MDGA2: variants seen among roughly 807,000 people sequenced by gnomAD.
MDGA2 encodes the protein MAM domain containing glycosylphosphatidylinositol anchor 2.
In MDGA2, 40 loss-of-function variants were observed where a neutral mutation model predicts 117.8. The observed-to-expected ratio is 0.34, with a 90% CI of 0.26 to 0.44. MDGA2 has a LOEUF of 0.44. MDGA2 is among the 20% of genes least tolerant of loss of function. The pLI is 1.00. For missense variants in MDGA2, 1,123 were observed against 1,250.6 expected, an observed-to-expected ratio of 0.90 and a Z score of 1.54; for synonymous variants, 452 against 439.0, an observed-to-expected ratio of 1.03 and a Z score of -0.37.
In MDGA2 at chr14:46,882,165, C is replaced by T. The variant is rs1465852076; in HGVS notation, c.2295G>A (p.Lys765=). 1 of 1,612,454 alleles carries T rather than the reference C, an allele frequency of 6.2e-7. No individual in the cohort carries two copies. Among genetic ancestry groups the T allele is most frequent in the Admixed American group, 1.7e-5 (1 of 59,920 alleles). The change falls in exon 11 of 17, where the codon AAG becomes AAA. Residue 765 remains lysine (K), a synonymous_variant. Coordinates refer to ENST00000399232, the MANE Select transcript of MDGA2 (RefSeq NM_001113498.3). ...QEIKINGNIQ[K]GELITYNLTE... is the part of the protein sequence containing the mutation. ...TCAAGTTATATGTAATTAATTCTCCCTTTTGAATATTCCCATTTATTTTAA... is the reference window on the plus strand; with the variant it reads ...TCAAGTTATATGTAATTAATTCTCCTTTTTGAATATTCCCATTTATTTTAA...
At chr14:47,571,814 G>A (rs1435060808) in intron 1 of MDGA2, among the ~76,000 whole-genome samples, 2 of 152,042 alleles carry the variant, frequency 1.3e-5, no homozygotes, top group Admixed American at 6.6e-5. Flanking sequence ...GTAGATGACG[G>A]GTTGATGGGT....
intron 3 of MDGA2, chr14:47,201,236 A>G (rs1168325564): frequency 2.0e-6 from 1 of 496,400 alleles, no homozygotes; most frequent in Non-Finnish European, 3.7e-6. Flanking sequence ...GATTCCTGCT[A>G]CCAAATGCTG....
At position 46,904,820 on chromosome 14, in the gene MDGA2, G is replaced by T. The variant is rs148785975; in HGVS notation, c.2238+15192C>A. ...ACTCGACTAGAAACCCCAAACTCAG[G>T]TGATTTCTCTATTGATATATCCAAC... On this transcript the variant is annotated intron_variant, in intron 10 of 16. Coordinates refer to ENST00000399232, the MANE Select transcript of MDGA2 (RefSeq NM_001113498.3). 2.5e-3 allele frequency among the ~76,000 whole-genome samples: 378 copies of T among 152,188 alleles called. 5 individuals carry two copies. Among genetic ancestry groups the T allele is most frequent in the African/African-American group, 8.9e-3 (371 of 41,522 alleles).
intron 1 of MDGA2, among the ~76,000 whole-genome samples, chr14:47,598,256 A>G (rs1474738678): frequency 2.0e-5 from 3 of 152,210 alleles, no homozygotes; most frequent in Admixed American, 2.0e-4. Flanking sequence ...GCTGTGGAAA[A>G]CAGTCTGGTG....
chr14:47,340,553 G>A (rs1365539657), intron 1 of MDGA2, among the ~76,000 whole-genome samples: 1 of 152,042 alleles, frequency 6.6e-6, no homozygotes, highest in Non-Finnish European at 1.5e-5. Context: ...TCTGATACTG[G>A]TGGCACTGTC....
intron 1 of MDGA2, among the ~76,000 whole-genome samples, chr14:47,671,181 A>G (rs952219440): frequency 6.6e-5 from 10 of 152,198 alleles, no homozygotes; most frequent in Admixed American, 2.0e-4. Context: ...CAACTGTGAC[A>G]CCATATATAA....
At chr14:47,659,184 C>T (rs1897800065) in intron 1 of MDGA2, among the ~76,000 whole-genome samples, 1 of 152,220 alleles carries the variant, frequency 6.6e-6, no homozygotes, top group Non-Finnish European at 1.5e-5. Context: ...ACCAAACTAA[C>T]ACATCTGCTC....
At chr14:47,589,434 G>T (rs1439100819) in intron 1 of MDGA2, among the ~76,000 whole-genome samples, 10 of 151,948 alleles carry the variant, frequency 6.6e-5, no homozygotes, top group Non-Finnish European at 2.9e-5. Context: ...TATTAGTTCA[G>T]AAGACTGCTT....
At chr14:47,343,264 T>C (rs945919527) in intron 1 of MDGA2, 3 of 1,141,164 alleles carry the variant, frequency 2.6e-6, no homozygotes, top group East Asian at 6.8e-5. Flanking sequence ...CCGGGCATTG[T>C]ATTACATCAG....
chr14:47,274,087 C>T (rs1463202249), intron 2 of MDGA2, among the ~76,000 whole-genome samples: 3 of 152,106 alleles, frequency 2.0e-5, no homozygotes, highest in Non-Finnish European at 4.4e-5. Flanking sequence ...TACCATCCAA[C>T]CTACCCATTT....
intron 1 of MDGA2, among the ~76,000 whole-genome samples, chr14:47,666,646 T>A (rs75477866): frequency 6.6e-6 from 1 of 152,128 alleles, no homozygotes; most frequent in Non-Finnish European, 1.5e-5. Flanking sequence ...ATCAGCAGGA[T>A]GTGGGTGGGG....
intron 10 of MDGA2, among the ~76,000 whole-genome samples, chr14:46,919,198 C>A (rs949640732): frequency 6.6e-6 from 1 of 152,132 alleles, no homozygotes; most frequent in African/African-American, 2.4e-5. Context: ...TCTCTACCAT[C>A]CCAATTCAAA....
intron 6 of MDGA2, among the ~76,000 whole-genome samples, chr14:47,062,553 C>A (rs1382256074): frequency 6.6e-6 from 1 of 150,614 alleles, no homozygotes; most frequent in East Asian, 1.9e-4. Flanking sequence ...AAATGACTAT[C>A]CCTACATGAC....
At chr14:47,220,081 G>A (rs1052556510) in intron 2 of MDGA2, among the ~76,000 whole-genome samples, 30 of 152,016 alleles carry the variant, frequency 2.0e-4, no homozygotes, top group Admixed American at 6.6e-5. Context: ...GAAGTAGAAA[G>A]AAATGCAAAT....
rs112313671 is a variant in MDGA2 at position 47,282,927 on chromosome 14, G to A, written c.420+18484C>T. On this transcript the variant is annotated intron_variant, in intron 2 of 16. Coordinates refer to ENST00000399232, the MANE Select transcript of MDGA2 (RefSeq NM_001113498.3). ...CATGCCACCGCACTCCAGCCTGAGCGACAGAGAAAAGATCCTGTCTTTAAT... is the reference window on the plus strand; with the variant it reads ...CATGCCACCGCACTCCAGCCTGAGCAACAGAGAAAAGATCCTGTCTTTAAT... 7.3e-3 allele frequency among the ~76,000 whole-genome samples: 1,109 copies of A among 152,120 alleles called. 7 individuals carry two copies. The highest frequency in any genetic ancestry group is 8.9e-3 in the Admixed American group (136 of 15,272).
chr14:47,151,119 G>A (rs1883147007), intron 3 of MDGA2, among the ~76,000 whole-genome samples: 1 of 152,068 alleles, frequency 6.6e-6, no homozygotes, highest in Admixed American at 6.6e-5. Context: ...GAAGTTTGTT[G>A]GAGAGTGCCC....
intron 8 of MDGA2, among the ~76,000 whole-genome samples, chr14:46,983,299 A>G (rs1485493601): frequency 2.6e-5 from 4 of 152,106 alleles, no homozygotes; most frequent in Admixed American, 6.6e-5. Flanking sequence ...TCTCTCTAAT[A>G]TTCTCATTAA....
At chr14:47,473,034 G>C (rs560582968) in intron 1 of MDGA2, among the ~76,000 whole-genome samples, 3 of 152,302 alleles carry the variant, frequency 2.0e-5, no homozygotes, top group South Asian at 2.1e-4. Context: ...AGAAGCACAT[G>C]AATGCCCAAT....
At chr14:47,119,409 T>C (rs1028387835) in intron 5 of MDGA2, among the ~76,000 whole-genome samples, 2 of 152,112 alleles carry the variant, frequency 1.3e-5, no homozygotes, top group Non-Finnish European at 2.9e-5. Flanking sequence ...CAATAATGCT[T>C]TATTAAACTT....
Sources: allele counts gnomAD v4.1 joint callset (sites outside exome capture counted in the v4.1 genomes callset), GRCh38; gene constraint gnomAD v4.1.1; transcripts MANE v1.5; gene names NCBI Gene and HGNC (gene_info 2026-07-23, HGNC 2026-07-21).